The following GKAP1 variants were observed in gnomAD, a reference collection of about 807,000 sequenced individuals.
GKAP1 encodes G kinase anchoring protein 1.
A neutral mutation model predicts 56.7 loss-of-function variants in GKAP1; 31 were observed. That is an observed-to-expected ratio of 0.55 (90% CI 0.41 to 0.74). GKAP1 has a LOEUF of 0.74. Among genes scored for constraint, GKAP1 ranks in the 30% least tolerant of loss-of-function variants. The pLI, the probability that GKAP1 is intolerant of heterozygous loss-of-function variation, is 0.00. For missense variants in GKAP1, 364 were observed against 402.3 expected (o/e 0.90, Z 0.82); for synonymous variants, 151 against 138.6 (o/e 1.09, Z -0.63).
intron 8 of GKAP1, among the ~76,000 whole-genome samples, chr9:83,759,531 T>G (rs1337346700): frequency 6.6e-6 from 1 of 152,224 alleles, no homozygotes; most frequent in Non-Finnish European, 1.5e-5. Context: ...GCTCTTGATA[T>G]GCATCCATGT....
intron 3 of GKAP1, among the ~76,000 whole-genome samples, chr9:83,804,078 G>A (rs1944382983): frequency 6.6e-6 from 1 of 151,094 alleles, no homozygotes; most frequent in African/African-American, 2.4e-5. Flanking sequence ...TCTGGGAAGT[G>A]AGGAGCGTCT....
intron 4 of GKAP1, among the ~76,000 whole-genome samples, chr9:83,792,660 A>G (rs971700163): frequency 6.6e-6 from 1 of 152,210 alleles, no homozygotes; most frequent in African/African-American, 2.4e-5. Flanking sequence ...AATTCTCTAA[A>G]CATATCTTTA....
intron 3 of GKAP1, among the ~76,000 whole-genome samples, chr9:83,799,988 C>A (rs1398915405): frequency 2.0e-5 from 3 of 151,942 alleles, no homozygotes; most frequent in African/African-American, 7.3e-5. Flanking sequence ...AAATAAAATG[C>A]AAAACAATAC....
intron 7 of GKAP1, among the ~76,000 whole-genome samples, chr9:83,772,145 T>A (rs879906546): frequency 6.6e-6 from 1 of 152,112 alleles, no homozygotes; most frequent in Admixed American, 6.6e-5. Context: ...ATATTTAACA[T>A]AATAAGTCTA....
chr9:83,740,390 T>C (rs1564184927), intron 12 of GKAP1, among the ~76,000 whole-genome samples: 1 of 151,608 alleles, frequency 6.6e-6, no homozygotes, highest in African/African-American at 2.4e-5. Flanking sequence ...AACATAACAT[T>C]TTCTGTTTTA....
chr9:83,742,524 C>A lies in GKAP1; in HGVS notation c.975+6G>T. 9.4e-6 allele frequency: 15 copies of A among 1,600,728 alleles called. No homozygotes were observed. The highest frequency in any genetic ancestry group is 1.1e-5 in the Non-Finnish European group (13 of 1,169,574). ...AACCAGTCATGTATGCTCCACAGTT[C>A]CTTACCTGAATAGTGAGCTCATTCT... is the stretch of plus-strand genomic sequence containing the variant. On this transcript the variant is annotated splice_donor_region_variant and intron_variant, in intron 11 of 12. Coordinates refer to ENST00000376371, the MANE Select transcript of GKAP1 (RefSeq NM_025211.4).
chr9:83,807,490 T>A (rs778134123), intron 2 of GKAP1, among the ~76,000 whole-genome samples: 1 of 152,346 alleles, frequency 6.6e-6, no homozygotes, highest in South Asian at 2.1e-4. Flanking sequence ...TTGAAATGTT[T>A]CAGGTAAAAA....
At chr9:83,791,272 G>A (rs1364733410) in intron 4 of GKAP1, among the ~76,000 whole-genome samples, 9 of 152,040 alleles carry the variant, frequency 5.9e-5, no homozygotes, top group East Asian at 3.9e-4. Flanking sequence ...ACGTGGTGGC[G>A]GGTGCCTGTA....
intron 7 of GKAP1, among the ~76,000 whole-genome samples, chr9:83,772,857 T>C (rs546732604): frequency 1.3e-4 from 20 of 152,256 alleles, no homozygotes; most frequent in Non-Finnish European, 2.2e-4. Flanking sequence ...ATTAGGAACA[T>C]GCAAATTAAA....
At chr9:83,754,405 A>G (rs1315522345) in intron 8 of GKAP1, among the ~76,000 whole-genome samples, 1 of 152,232 alleles carries the variant, frequency 6.6e-6, no homozygotes, top group Non-Finnish European at 1.5e-5. Flanking sequence ...GTAGTACTCT[A>G]CAAATACTCA....
intron 7 of GKAP1, among the ~76,000 whole-genome samples, chr9:83,773,156 T>C (rs1943791580): frequency 6.6e-6 from 1 of 152,192 alleles, no homozygotes; most frequent in Non-Finnish European, 1.5e-5. Flanking sequence ...ACCTGGTGAA[T>C]AAACAACATT....
chr9:83,801,579 G>C (rs1944332311), intron 3 of GKAP1, among the ~76,000 whole-genome samples: 2 of 152,148 alleles, frequency 1.3e-5, no homozygotes, highest in Admixed American at 1.3e-4. Flanking sequence ...GATTTGGAAA[G>C]GACATTCAGA....
intron 7 of GKAP1, among the ~76,000 whole-genome samples, chr9:83,772,654 A>G (rs575362047): frequency 6.6e-6 from 1 of 152,288 alleles, no homozygotes; most frequent in African/African-American, 2.4e-5. Context: ...TTAAAAAGAA[A>G]AGGCAAGGCA....
At chr9:83,769,090 A>T in intron 7 of GKAP1, 120 bp from the exon 8 acceptor site, 1 of 657,994 alleles carries the variant, frequency 1.5e-6, no homozygotes, top group Non-Finnish European at 2.5e-6. Flanking sequence ...CTAGAAGGAT[A>T]AAAAAAGAAA....
chr9:83,806,108 C>A lies in GKAP1; in HGVS notation c.216+194G>T, dbSNP rs150260037. Among the ~76,000 whole-genome samples, 1,458 of 151,202 alleles carry A rather than the reference C, an allele frequency of 9.6e-3. 9 individuals are homozygous for A. The highest frequency in any genetic ancestry group is 0.024 in the Middle Eastern group (7 of 292). On this transcript the variant is annotated intron_variant, in intron 3 of 12. Transcript: ENST00000376371. ...CTCCAGCCTAGGTGACAGAGTGAGA[C>A]CCTGTCTCAAAAAAAAAAAAAGATC...
intron 2 of GKAP1, among the ~76,000 whole-genome samples, chr9:83,807,974 G>C (rs1944461660): frequency 6.6e-6 from 1 of 152,166 alleles, no homozygotes; most frequent in Admixed American, 6.5e-5. Flanking sequence ...AATCTTTCAA[G>C]TTTTTGGTAT....
In GKAP1 at chr9:83,770,594, G is replaced by GCCA. The variant is rs1943741702; in HGVS notation, c.586-1625_586-1624insTGG. ...TTTTTTGAGACGGAGTTTCACTCTT[G>GCCA]TTGCCCAGGCGGAGTGCAATGGCAA... On this transcript the variant is annotated intron_variant, in intron 7 of 12. Transcript: ENST00000376371. 3.3e-5 allele frequency among the ~76,000 whole-genome samples: 5 copies of GCCA among 150,324 alleles called. No individual in the cohort carries two copies. The South Asian group carries it at 1.1e-3, about 32-fold the overall frequency.
chr9:83,814,036 C>T (rs537063924), intron 2 of GKAP1, among the ~76,000 whole-genome samples: 5 of 151,912 alleles, frequency 3.3e-5, no homozygotes, highest in Non-Finnish European at 5.9e-5. Flanking sequence ...GGGGTCGAGG[C>T]TGTAGTGAGC....
chr9:83,804,717 G>A (rs1420778904), intron 3 of GKAP1, among the ~76,000 whole-genome samples: 1 of 148,958 alleles, frequency 6.7e-6, no homozygotes, highest in African/African-American at 2.5e-5. Context: ...GTACGGGAGG[G>A]AGGTGGGGTC....
Sources: gnomAD v4.1 joint callset for allele counts (sites outside exome capture counted in the v4.1 genomes callset) on GRCh38, gnomAD v4.1.1 for gene constraint, MANE v1.5 for transcripts, NCBI Gene and HGNC (gene_info 2026-07-23, HGNC 2026-07-21) for gene names.